IL20RA: variants seen among roughly 807,000 people sequenced by gnomAD.
IL20RA encodes interleukin-20 receptor subunit alpha.
IL20RA carries 29 observed loss-of-function variants against 36.5 expected under a neutral mutation model. The observed-to-expected ratio is 0.79, with a 90% CI of 0.59 to 1.08. The LOEUF (loss-of-function observed/expected upper bound fraction) is 1.08, where lower values mean the gene tolerates loss of function less well. IL20RA is among the 50% of genes least tolerant of loss of function. The pLI, the probability that IL20RA is intolerant of heterozygous loss-of-function variation, is 0.00. For synonymous variants in IL20RA, 279 were observed against 267.1 expected (o/e 1.04, Z -0.43); for missense variants, 652 against 668.4 (o/e 0.98, Z 0.27).
intron 1 of IL20RA, among the ~76,000 whole-genome samples, chr6:137,030,524 G>T (rs1174288101): frequency 1.3e-5 from 2 of 152,124 alleles, no homozygotes; most frequent in Admixed American, 6.5e-5. Context: ...ACTTCTGGGT[G>T]CCTCCTTTAC....
At chr6:137,025,273 T>C (rs1252961854) in intron 1 of IL20RA, among the ~76,000 whole-genome samples, 3 of 152,150 alleles carry the variant, frequency 2.0e-5, no homozygotes, top group Non-Finnish European at 4.4e-5. Context: ...AGAGCCCTCA[T>C]GAGTGGGATT....
Position 137,044,932 on chromosome 6 carries a change from C to G in IL20RA, c.-204G>C. The G allele has an allele frequency of 2.6e-6, 1 of 385,944 alleles. No homozygotes were observed. Among genetic ancestry groups the G allele is most frequent in the Non-Finnish European group, 4.3e-6 (1 of 231,846 alleles). The allele number at this position is 385,944 out of a possible 1,614,324, so 23.9% of individuals were successfully genotyped here. On this transcript the variant is annotated 5_prime_UTR_variant, in exon 1 of 7. Coordinates refer to ENST00000316649, the MANE Select transcript of IL20RA (RefSeq NM_014432.4). ...ACCAAGGGCGAGCGACTCGCGGAGC[C>G]CCCACGCGCGCTCCCCCGGCTACCC...
At chr6:137,043,033 T>G (rs919372424) in intron 1 of IL20RA, 1 of 152,200 alleles carries the variant, frequency 6.6e-6, no homozygotes, top group Non-Finnish European at 1.5e-5. Context: ...TTTTGTAAAT[T>G]TTATTTTGAA....
chr6:137,004,850 C>T (rs2115365215), intron 5 of IL20RA, 90 bp from the exon 6 acceptor site: 2 of 1,228,780 alleles, frequency 1.6e-6, no homozygotes, highest in East Asian at 2.3e-5. Context: ...TATCGTTAAG[C>T]TGCTTCTGTG....
At position 137,001,576 on chromosome 6, in the gene IL20RA, A is replaced by T. The variant is rs762969669; in HGVS notation, c.1644T>A (p.Tyr548Ter). The T allele has an allele frequency of 3.8e-6, 6 of 1,568,870 alleles. No individual in the cohort carries two copies. The highest frequency in any genetic ancestry group is 1.4e-5 in the African/African-American group (1 of 73,310). ...LMQFMEEWGLYVQMEN is the reference protein window; with the variant it reads ...LMQFMEEWGL ...GTTGGCATCAGTTTTCCATCTGCAC[A>T]TATAACCCCCATTCCTCCATGAATT... The change falls in exon 7 of 7, where the codon TAT becomes TAA. Residue 548 changes from tyrosine to a stop codon, truncating the protein, a stop_gained. Coordinates refer to ENST00000316649, the MANE Select transcript of IL20RA (RefSeq NM_014432.4). LOFTEE classifies it high-confidence loss of function.
At chr6:137,009,146 A>C in intron 4 of IL20RA, 171 bp downstream of exon 4, 1 of 655,488 alleles carries the variant, frequency 1.5e-6, no homozygotes, top group East Asian at 2.7e-5. Context: ...GAAGATCTGA[A>C]GTTAGTTCTG....
At chr6:137,003,251 G>A (rs555115065) in intron 6 of IL20RA, among the ~76,000 whole-genome samples, 2 of 152,318 alleles carry the variant, frequency 1.3e-5, no homozygotes, top group African/African-American at 4.8e-5. Context: ...CAGAATCATA[G>A]AAAAACTTAT....
intron 1 of IL20RA, 117 bp from the exon 2 acceptor site, chr6:137,017,220 A>G (rs442663): frequency 0.94 from 667,834 of 710,390 alleles, 323,638 homozygotes; most frequent in East Asian, 1. Flanking sequence ...TGCATGCCCT[A>G]TGTAACATCT....
At chr6:137,037,989 AG>A (rs1462150563) in intron 1 of IL20RA, 3 of 152,164 alleles carry the variant, frequency 2.0e-5, no homozygotes, top group African/African-American at 7.2e-5. Context: ...CAGGGTAGTG[AG>A]TATCCTGTGA....
intron 1 of IL20RA, among the ~76,000 whole-genome samples, chr6:137,037,565 T>C (rs1423261442): frequency 6.6e-6 from 1 of 152,228 alleles, no homozygotes; most frequent in African/African-American, 2.4e-5. Flanking sequence ...GGAGGGCTCC[T>C]TTTAGACATC....
chr6:137,040,852 A>C (rs77493067), intron 1 of IL20RA, among the ~76,000 whole-genome samples: 4,157 of 152,266 alleles, frequency 0.027, 186 homozygotes, highest in African/African-American at 0.095. Context: ...AGATACTAAA[A>C]ATAGTTGGGT....
At chr6:137,011,530 C>A in intron 2 of IL20RA, 78 bp from the exon 3 acceptor site, 1 of 883,668 alleles carries the variant, frequency 1.1e-6, no homozygotes, top group Non-Finnish European at 1.6e-6. Context: ...TTTTATAAAA[C>A]TGAATGGAAC....
chr6:137,012,381 TG>T (rs778318223), intron 2 of IL20RA, among the ~76,000 whole-genome samples: 2 of 152,048 alleles, frequency 1.3e-5, no homozygotes, highest in African/African-American at 2.4e-5. Flanking sequence ...CTGGGGCAGA[TG>T]GGTGGAATGG....
At chr6:137,044,344 C>G (rs1351656918) in intron 1 of IL20RA, 2 of 1,067,122 alleles carry the variant, frequency 1.9e-6, no homozygotes, top group Non-Finnish European at 2.3e-6. Context: ...CCGCGCAGAG[C>G]GCACCCCCCA....
At chr6:137,018,717 T>C (rs557526202) in intron 1 of IL20RA, among the ~76,000 whole-genome samples, 1 of 152,308 alleles carries the variant, frequency 6.6e-6, no homozygotes, top group African/African-American at 2.4e-5. Context: ...TACTACTAGG[T>C]TCTCAATTTT....
chr6:137,008,396 G>A, intron 5 of IL20RA, among the ~76,000 whole-genome samples: 1 of 152,258 alleles, frequency 6.6e-6, no homozygotes, highest in Non-Finnish European at 1.5e-5. Flanking sequence ...CTCCGAGGGT[G>A]TGAGAACACT....
At chr6:137,004,174 T>TTTTTTTTTTTTTTTTTTTTTTTGTTTTG in intron 6 of IL20RA, among the ~76,000 whole-genome samples, 1 of 124,450 alleles carries the variant, frequency 8.0e-6, no homozygotes, top group Non-Finnish European at 1.7e-5. Context: ...TTTTTTTTTT[T>TTTTTTTTTTTTTTTTTTTTTTTGTTTTG]TTTTTTTTTT....
At chr6:137,021,815 C>T (rs1359084295) in intron 1 of IL20RA, among the ~76,000 whole-genome samples, 2 of 39,022 alleles carry the variant, frequency 5.1e-5, no homozygotes, top group South Asian at 0.019. Flanking sequence ...TAAAAATAGT[C>T]GCTAATACTT....
intron 2 of IL20RA, among the ~76,000 whole-genome samples, chr6:137,011,697 T>G (rs1775506945): frequency 6.6e-6 from 1 of 152,226 alleles, no homozygotes; most frequent in Non-Finnish European, 1.5e-5. Flanking sequence ...GGACAGTATA[T>G]TTTGGAAGCA....
Sources: gnomAD v4.1 joint callset for allele counts (sites outside exome capture counted in the v4.1 genomes callset) on GRCh38, gnomAD v4.1.1 for gene constraint, MANE v1.5 for transcripts, NCBI Gene and HGNC (gene_info 2026-07-23, HGNC 2026-07-21) for gene names.